Variants in PCDHA9 observed in about 807,000 individuals in gnomAD.
PCDHA9 encodes the protein protocadherin alpha-9.
Under a neutral mutation model 62.0 loss-of-function variants are expected in PCDHA9, and 62 were observed. The observed-to-expected ratio is 1.00, with a 90% CI of 0.81 to 1.23. PCDHA9 has a LOEUF of 1.23. PCDHA9 is among the 50% of genes most tolerant of loss of function. PCDHA9 has a pLI of 0.00. For synonymous variants in PCDHA9, 557 were observed against 567.6 expected, an observed-to-expected ratio of 0.98 and a Z score of 0.27; for missense variants, 1,205 against 1,249.8, an observed-to-expected ratio of 0.96 and a Z score of 0.54.
intron 1 of PCDHA9, among the ~76,000 whole-genome samples, chr5:140,976,855 G>A (rs946538789): frequency 9.9e-5 from 15 of 152,142 alleles, no homozygotes; most frequent in Non-Finnish European, 1.5e-4. Flanking sequence ...CTTTCATAGA[G>A]TTTACTGTCT....
At chr5:140,928,276 G>T in intron 1 of PCDHA9, 1 of 1,614,172 alleles carries the variant, frequency 6.2e-7, no homozygotes, top group Non-Finnish European at 8.5e-7. Context: ...TGGCCCTGGG[G>T]CCTCTCTAGG....
At chr5:140,936,875 C>A (rs1052156307) in intron 1 of PCDHA9, among the ~76,000 whole-genome samples, 1 of 151,950 alleles carries the variant, frequency 6.6e-6, no homozygotes, top group South Asian at 2.1e-4. Context: ...TTTAAAAAAC[C>A]CTGCTTTGAT....
In PCDHA9 at chr5:140,857,206, C is replaced by T. The variant is rs1554149659; in HGVS notation, c.2394+6317C>T. On this transcript the variant is annotated intron_variant, in intron 1 of 3. Transcript: ENST00000532602. Reference sequence around the variant, plus strand: ...CAGGAGCCAACGGACAGGTCACCTGCTCTCTGACGCCTCACGTTCCGTTCA... The same window carrying T: ...CAGGAGCCAACGGACAGGTCACCTGTTCTCTGACGCCTCACGTTCCGTTCA... The T allele has an allele frequency of 2.5e-6, 4 of 1,598,614 alleles. No homozygotes were observed. The South Asian group carries it at 3.3e-5, about 13-fold the overall frequency.
intron 1 of PCDHA9, chr5:140,860,150 T>G (rs868970469): frequency 6.7e-6 from 1 of 150,164 alleles, no homozygotes; most frequent in Non-Finnish European, 1.5e-5. Flanking sequence ...TATGTATATA[T>G]GTGTATATAT....
At chr5:140,979,865 G>C (rs2096867408) in intron 2 of PCDHA9, among the ~76,000 whole-genome samples, 1 of 152,162 alleles carries the variant, frequency 6.6e-6, no homozygotes, top group Non-Finnish European at 1.5e-5. Flanking sequence ...CAAAATATCT[G>C]GGCAACTATC....
chr5:141,001,435 A>G (rs1377491641), intron 3 of PCDHA9, among the ~76,000 whole-genome samples: 4 of 152,202 alleles, frequency 2.6e-5, no homozygotes, highest in African/African-American at 7.2e-5. Flanking sequence ...TTCCATGGAA[A>G]AGTCTTTCCA....
chr5:140,909,996 T>G (rs549464312), intron 1 of PCDHA9, among the ~76,000 whole-genome samples: 5 of 152,310 alleles, frequency 3.3e-5, no homozygotes, highest in African/African-American at 1.2e-4. Context: ...ACAGCATAAA[T>G]TGTTGTCAGT....
At chr5:140,856,537 G>C (rs782543512) in intron 1 of PCDHA9, 2 of 1,598,372 alleles carry the variant, frequency 1.3e-6, no homozygotes, top group East Asian at 4.5e-5. Context: ...ATGTTGGAGA[G>C]AACGCATTGC....
chr5:141,001,706 C>T (rs2098033561), intron 3 of PCDHA9, among the ~76,000 whole-genome samples: 1 of 151,850 alleles, frequency 6.6e-6, no homozygotes, highest in African/African-American at 2.4e-5. Flanking sequence ...AAATAGGGGG[C>T]GGGGAAGGAG....
At position 140,942,409 on chromosome 5, in the gene PCDHA9, TA is replaced by T. The variant is rs78736997; in HGVS notation, c.2395-36528del. Among the ~76,000 whole-genome samples, 464 of 143,336 alleles carry T rather than the reference TA, an allele frequency of 3.2e-3. 2 individuals are homozygous for T. Among genetic ancestry groups the T allele is most frequent in the African/African-American group, 7.7e-3 (304 of 39,312 alleles). The allele number at this position is 143,336 out of a possible 152,430, so 94.0% of individuals were successfully genotyped here. Reference sequence around the variant, plus strand: ...CCTGGGCGACAGATGAGACTCTGTTTAAAAAAAAAAAAGATATCTAACAATA... The same window carrying T: ...CCTGGGCGACAGATGAGACTCTGTTTAAAAAAAAAAAGATATCTAACAATA... On this transcript the variant is annotated intron_variant, in intron 1 of 3. Transcript: ENST00000532602.
chr5:140,951,503 A>G (rs1554219922), intron 1 of PCDHA9, among the ~76,000 whole-genome samples: 1 of 151,992 alleles, frequency 6.6e-6, no homozygotes, highest in African/African-American at 2.4e-5. Flanking sequence ...AGGCAAAAGG[A>G]AAGCGGCTCA....
intron 1 of PCDHA9, chr5:140,851,527 A>C (rs1335605014): frequency 2.2e-6 from 2 of 905,622 alleles, no homozygotes; most frequent in Middle Eastern, 5.6e-4. Context: ...AAAATGCCTG[A>C]CAATGTAGAT....
intron 1 of PCDHA9, among the ~76,000 whole-genome samples, chr5:140,899,326 T>G (rs1203153086): frequency 6.6e-6 from 1 of 152,230 alleles, no homozygotes; most frequent in Non-Finnish European, 1.5e-5. Flanking sequence ...TGGCTGTGGG[T>G]TTGTCATAGA....
chr5:140,930,394 T>C (rs531643898), intron 1 of PCDHA9: 1 of 145,356 alleles, frequency 6.9e-6, no homozygotes, highest in South Asian at 2.2e-4. Flanking sequence ...TCAAAACTTC[T>C]TTTTTTTTTT....
chr5:140,960,628 T>C (rs1474502656), intron 1 of PCDHA9, among the ~76,000 whole-genome samples: 1 of 152,192 alleles, frequency 6.6e-6, no homozygotes, highest in Non-Finnish European at 1.5e-5. Context: ...TTTTGAAATA[T>C]ATTTTTAAAA....
rs2150485669 is a variant in PCDHA9, at chr5:140,850,474, C to T, written c.1979C>T (p.Thr660Met). The change falls in exon 1 of 4, where the codon ACG becomes ATG. Residue 660 changes from threonine to methionine, a missense_variant. By Grantham distance (81) the Thr-to-Met change is moderately conservative. Coordinates refer to ENST00000532602, the MANE Select transcript of PCDHA9 (RefSeq NM_031857.2). ...LVKDHGEPALTATATVLVSLV... is the reference protein window; with the variant it reads ...LVKDHGEPALMATATVLVSLV... ...AAAGACCACGGGGAGCCAGCGCTGA[C>T]GGCCACGGCCACTGTGCTGGTGTCG... 7.5e-6 allele frequency: 12 copies of T among 1,597,644 alleles called. 2 individuals are homozygous for T. In the South Asian group the frequency reaches 1.1e-4, roughly 15 times the overall value.
chr5:140,932,469 A>T (rs1356318037), intron 1 of PCDHA9, among the ~76,000 whole-genome samples: 12 of 152,030 alleles, frequency 7.9e-5, no homozygotes, highest in African/African-American at 2.4e-4. Context: ...TATATAGGAA[A>T]TAGGATATCT....
chr5:140,858,817 G>A (rs1212820522), intron 1 of PCDHA9: 1 of 345,356 alleles, frequency 2.9e-6, no homozygotes, highest in Non-Finnish European at 5.3e-6. Context: ...TGATTTGATT[G>A]TATTTGCATT....
intron 1 of PCDHA9, among the ~76,000 whole-genome samples, chr5:140,955,373 T>C (rs2338310): frequency 0.011 from 1,717 of 152,252 alleles, 30 homozygotes; most frequent in African/African-American, 0.038. Context: ...TGGGAGGTAA[T>C]TGAATCATGG....
Sources: allele counts gnomAD v4.1 joint callset (sites outside exome capture counted in the v4.1 genomes callset), GRCh38; gene constraint gnomAD v4.1.1; transcripts MANE v1.5; gene names NCBI Gene and HGNC (gene_info 2026-07-23, HGNC 2026-07-21).